Variants in FER observed in about 807,000 individuals in gnomAD.
FER encodes the protein FER tyrosine kinase, also known as tyrosine-protein kinase Fer.
A neutral mutation model predicts 111.0 loss-of-function variants in FER; 63 were observed. That is an observed-to-expected ratio of 0.57 (90% CI 0.46 to 0.70). FER has a LOEUF of 0.70. Among genes scored for constraint, FER ranks in the 30% least tolerant of loss-of-function variants. FER has a pLI of 0.00. For missense variants in FER, 914 were observed against 954.0 expected (o/e 0.96, Z 0.55); for synonymous variants, 327 against 313.9 (o/e 1.04, Z -0.44).
intron 17 of FER, among the ~76,000 whole-genome samples, chr5:109,140,285 A>G (rs891597392): frequency 6.6e-6 from 1 of 152,218 alleles, no homozygotes; most frequent in Non-Finnish European, 1.5e-5. Flanking sequence ...AAATAAAGAA[A>G]CAGTACAAAA....
chr5:109,037,756 C>T (rs1770599617), intron 14 of FER, among the ~76,000 whole-genome samples: 1 of 151,830 alleles, frequency 6.6e-6, no homozygotes, highest in African/African-American at 2.4e-5. Context: ...CTTCAGTGTG[C>T]AGTAAAGTCA....
At chr5:109,000,130 T>A (rs969790624) in intron 13 of FER, among the ~76,000 whole-genome samples, 1 of 151,768 alleles carries the variant, frequency 6.6e-6, no homozygotes, top group Non-Finnish European at 1.5e-5. Context: ...GACCTTTTTT[T>A]CATAAAGATG....
At chr5:109,136,358 A>G (rs1020773663) in intron 17 of FER, among the ~76,000 whole-genome samples, 4 of 152,172 alleles carry the variant, frequency 2.6e-5, no homozygotes, top group Non-Finnish European at 5.9e-5. Flanking sequence ...AACTTAAAGC[A>G]TAAGAGAATT....
chr5:109,151,867 C>A lies in FER; in HGVS notation c.2049-28880C>A, dbSNP rs144566589. On this transcript the variant is annotated intron_variant, in intron 17 of 19. Transcript: ENST00000281092. ...AATTCTGTCTCATAACTCGCAAAAT[C>A]AGAAAGCAAATGACTACATTATTTT... Among the ~76,000 whole-genome samples, 1,044 of 152,186 alleles carry A rather than the reference C, an allele frequency of 6.9e-3. 17 individuals are homozygous for A. The highest frequency in any genetic ancestry group is 0.024 in the African/African-American group (1,001 of 41,558).
At chr5:108,899,045 A>G (rs753760154) in intron 10 of FER, among the ~76,000 whole-genome samples, 2 of 151,874 alleles carry the variant, frequency 1.3e-5, no homozygotes, top group Non-Finnish European at 2.9e-5. Context: ...ATGTTGTTCT[A>G]AATAGTATGA....
intron 3 of FER, among the ~76,000 whole-genome samples, chr5:108,811,236 C>T (rs1489014412): frequency 6.6e-6 from 1 of 152,174 alleles, no homozygotes; most frequent in East Asian, 1.9e-4. Flanking sequence ...GGTCATGCTG[C>T]TGATCCAAGT....
At chr5:109,139,077 AG>A (rs1753216667) in intron 17 of FER, among the ~76,000 whole-genome samples, 1 of 152,208 alleles carries the variant, frequency 6.6e-6, no homozygotes, top group Non-Finnish European at 1.5e-5. Flanking sequence ...TAGGACATCT[AG>A]GAAGAGAAAG....
chr5:109,099,939 C>G (rs1748017539), intron 16 of FER, among the ~76,000 whole-genome samples: 1 of 151,612 alleles, frequency 6.6e-6, no homozygotes, highest in African/African-American at 2.4e-5. Context: ...ATTTTTTAAG[C>G]AATCACTGAA....
At chr5:109,057,044 A>G (rs1212607868) in intron 16 of FER, among the ~76,000 whole-genome samples, 2 of 152,286 alleles carry the variant, frequency 1.3e-5, no homozygotes, top group East Asian at 3.9e-4. Context: ...TAGCAATATT[A>G]AGCTTTCTGA....
At chr5:108,845,067 T>TATATACACAC (rs1486282738) in intron 5 of FER, among the ~76,000 whole-genome samples, 2 of 53,856 alleles carry the variant, frequency 3.7e-5, no homozygotes, top group African/African-American at 1.5e-4. Context: ...TATATATATA[T>TATATACACAC]ACACACACAC....
At chr5:108,798,057 C>CTTT (rs11406674) in intron 2 of FER, 67 bp from the exon 3 acceptor site, 82 of 482,582 alleles carry the variant, frequency 1.7e-4, no homozygotes, top group African/African-American at 4.9e-4. Context: ...TCTATCATAA[C>CTTT]TTTTTTTTTT....
intron 3 of FER, among the ~76,000 whole-genome samples, chr5:108,832,070 A>G (rs149129586): frequency 1.9e-4 from 29 of 152,156 alleles, no homozygotes; most frequent in African/African-American, 7.0e-4. Flanking sequence ...ACCTACAATT[A>G]TGTGCCTCTT....
At chr5:108,974,294 A>T (rs1465587946) in intron 13 of FER, among the ~76,000 whole-genome samples, 1 of 152,180 alleles carries the variant, frequency 6.6e-6, no homozygotes, top group Admixed American at 6.5e-5. Context: ...TAGGGGACAT[A>T]GTATGTTAGA....
At chr5:108,941,704 G>T (rs977689264) in intron 10 of FER, among the ~76,000 whole-genome samples, 1 of 152,140 alleles carries the variant, frequency 6.6e-6, no homozygotes, top group Non-Finnish European at 1.5e-5. Flanking sequence ...AAGTCAATCA[G>T]CTCTTAAGTT....
Position 108,946,276 on chromosome 5 carries a change from T to G in FER, c.1329+54T>G, listed in dbSNP as rs578032030. ...GAAAATGGTCATTGTCTAGCTTCTT[T>G]CTGATGCACTAATGAATATATATAT... On this transcript the variant is annotated intron_variant, in intron 11 of 19. Transcript: ENST00000281092. 485 of 1,128,808 alleles carry G rather than the reference T, an allele frequency of 4.3e-4. 4 individuals are homozygous for G. The highest frequency in any genetic ancestry group is 3.3e-3 in the Middle Eastern group (17 of 5,106). 69.9% of individuals were successfully genotyped at this position (1,128,808 alleles called of 1,614,324 possible). A position where few individuals can be genotyped will look rare whatever the true frequency, so the allele number is the denominator to read the frequency against.
chr5:109,137,688 G>A (rs1206890875), intron 17 of FER, among the ~76,000 whole-genome samples: 1 of 152,132 alleles, frequency 6.6e-6, no homozygotes. Flanking sequence ...AAAGATAGGC[G>A]GGTTGGTGTT....
chr5:109,018,261 T>C (rs547933645), intron 13 of FER, among the ~76,000 whole-genome samples: 98 of 151,958 alleles, frequency 6.4e-4, no homozygotes, highest in African/African-American at 2.3e-3. Context: ...GTATCAGTGA[T>C]AGTCATTGAG....
chr5:108,868,367 G>T (rs865858654), intron 6 of FER, among the ~76,000 whole-genome samples: 9 of 151,890 alleles, frequency 5.9e-5, no homozygotes, highest in Non-Finnish European at 1.2e-4. Flanking sequence ...ATCAACAAAT[G>T]TTTATTGAAG....
intron 14 of FER, 137 bp downstream of exon 14, chr5:109,037,615 C>G: frequency 1.7e-6 from 1 of 591,324 alleles, no homozygotes. Context: ...AATGCTATAT[C>G]TTCTCAATAT....
Sources: allele counts gnomAD v4.1 joint callset (sites outside exome capture counted in the v4.1 genomes callset), GRCh38; gene constraint gnomAD v4.1.1; transcripts MANE v1.5; gene names NCBI Gene and HGNC (gene_info 2026-07-23, HGNC 2026-07-21).